MBOAT2: variants seen among roughly 807,000 people sequenced by gnomAD.
MBOAT2 encodes membrane-bound glycerophospholipid O-acyltransferase 2.
In MBOAT2, 28 loss-of-function variants were observed where a neutral mutation model predicts 63.4. The observed-to-expected ratio is 0.44, with a 90% CI of 0.33 to 0.61. The LOEUF (loss-of-function observed/expected upper bound fraction) is 0.61. Ranked by LOEUF, MBOAT2 falls within the 20% of genes least tolerant of loss-of-function variation. The pLI, the probability that MBOAT2 is intolerant of heterozygous loss-of-function variation, is 0.03. For synonymous variants in MBOAT2, 211 were observed against 215.6 expected (o/e 0.98, Z 0.19); for missense variants, 470 against 605.8 (o/e 0.78, Z 2.35).
chr2:8,997,130 C>T (rs1403777797), intron 1 of MBOAT2, among the ~76,000 whole-genome samples: 3 of 152,154 alleles, frequency 2.0e-5, no homozygotes, highest in Non-Finnish European at 4.4e-5. Context: ...TCACCCATAG[C>T]ACGCATAAAA....
At chr2:8,999,361 A>T (rs1672528510) in intron 1 of MBOAT2, among the ~76,000 whole-genome samples, 1 of 152,230 alleles carries the variant, frequency 6.6e-6, no homozygotes, top group East Asian at 1.9e-4. Context: ...TTAAAAAGGC[A>T]AGAAAGAGAT....
At chr2:8,868,878 C>A (rs560757582) in intron 8 of MBOAT2, among the ~76,000 whole-genome samples, 162 of 152,258 alleles carry the variant, frequency 1.1e-3, no homozygotes, top group Non-Finnish European at 2.0e-3. Context: ...GTACGCTCAA[C>A]CAGCTGCCAA....
At chr2:8,912,357 GAAAGAAAGAAAGAAAGAGAAAGAAAGAA>G (rs1276147139) in intron 3 of MBOAT2, among the ~76,000 whole-genome samples, 58 of 104,240 alleles carry the variant, frequency 5.6e-4, no homozygotes, top group South Asian at 1.6e-3. Flanking sequence ...GAAAGAGAAA[GAAAGAAAGAAAGAAAGAGAAAGAAAGAA>G]AGAAAGAAAG....
intron 3 of MBOAT2, among the ~76,000 whole-genome samples, chr2:8,942,730 A>C (rs1668142603): frequency 6.6e-6 from 1 of 152,142 alleles, no homozygotes; most frequent in Non-Finnish European, 1.5e-5. Context: ...TTGACACCTT[A>C]TTTCCTACCG....
intron 4 of MBOAT2, among the ~76,000 whole-genome samples, chr2:8,890,859 G>A (rs1303638563): frequency 6.6e-6 from 1 of 152,134 alleles, no homozygotes; most frequent in Non-Finnish European, 1.5e-5. Context: ...CTGAATCTAA[G>A]TGTCCAGTCA....
At chr2:8,893,083 AGGGGGAG>A (rs1483720443) in intron 4 of MBOAT2, among the ~76,000 whole-genome samples, 1 of 9,520 alleles carries the variant, frequency 1.1e-4, no homozygotes, top group Non-Finnish European at 2.1e-4. Flanking sequence ...GGGAGGAGGC[AGGGGGAG>A]GGGGTGGGGG....
intron 3 of MBOAT2, among the ~76,000 whole-genome samples, chr2:8,942,402 G>A (rs1406445479): frequency 6.6e-6 from 1 of 152,138 alleles, no homozygotes; most frequent in Non-Finnish European, 1.5e-5. Context: ...CTCTGCCCCT[G>A]GGTTTTCAAT....
At chr2:8,928,376 G>C (rs976940578) in intron 3 of MBOAT2, among the ~76,000 whole-genome samples, 17 of 152,142 alleles carry the variant, frequency 1.1e-4, no homozygotes, top group African/African-American at 4.1e-4. Flanking sequence ...GAGGGGCTAA[G>C]GTGACCCCTG....
chr2:8,882,364 G>T, intron 6 of MBOAT2, 147 bp downstream of exon 6: 1 of 755,296 alleles, frequency 1.3e-6, no homozygotes, highest in Non-Finnish European at 2.2e-6. Context: ...GCAGGCTTTG[G>T]CAGGAGGGAA....
chr2:9,000,861 TTTA>T (rs1254795715), intron 1 of MBOAT2, among the ~76,000 whole-genome samples: 8 of 152,338 alleles, frequency 5.3e-5, no homozygotes, highest in African/African-American at 1.7e-4. Context: ...ACTTTTTTAC[TTTA>T]TTAAGTTTTT....
At chr2:8,932,286 A>G (rs1667375776) in intron 3 of MBOAT2, among the ~76,000 whole-genome samples, 1 of 152,194 alleles carries the variant, frequency 6.6e-6, no homozygotes, top group Admixed American at 6.5e-5. Context: ...GCACTTACAG[A>G]AGGTTGAACA....
At chr2:8,963,514 G>GGC (rs1481282919) in intron 1 of MBOAT2, among the ~76,000 whole-genome samples, 8 of 152,068 alleles carry the variant, frequency 5.3e-5, no homozygotes, top group Non-Finnish European at 7.4e-5. Context: ...ATGTTGGTCA[G>GGC]GCGGTCTTGA....
In MBOAT2 at chr2:8,853,392, A is replaced by C. The variant is rs1660888376; in HGVS notation, c.*5287T>G. 1 of 152,200 alleles carries C rather than the reference A, an allele frequency of 6.6e-6. No homozygotes were observed. The highest frequency in any genetic ancestry group is 1.5e-5 in the Non-Finnish European group (1 of 68,022). 9.4% of individuals were successfully genotyped at this position (152,200 alleles called of 1,614,324 possible). A position where few individuals can be genotyped will look rare whatever the true frequency, so the allele number is the denominator to read the frequency against. On this transcript the variant is annotated 3_prime_UTR_variant, in exon 13 of 13. Coordinates refer to ENST00000305997, the MANE Select transcript of MBOAT2 (RefSeq NM_138799.4). ...ATACATAAAATTGGGAAAGAGGCATATTTAAAAAGTCTGTCAAACTCTCAA... is the reference window on the plus strand; with the variant it reads ...ATACATAAAATTGGGAAAGAGGCATCTTTAAAAAGTCTGTCAAACTCTCAA...
chr2:8,875,371 A>G (rs2148527860), intron 7 of MBOAT2, among the ~76,000 whole-genome samples: 1 of 152,378 alleles, frequency 6.6e-6, no homozygotes, highest in Admixed American at 6.5e-5. Context: ...AAAAGAGGAA[A>G]GTGATATTTT....
At chr2:8,873,674 T>A (rs1662508118) in intron 7 of MBOAT2, among the ~76,000 whole-genome samples, 1 of 152,218 alleles carries the variant, frequency 6.6e-6, no homozygotes, top group Admixed American at 6.5e-5. Flanking sequence ...ATATATATAT[T>A]TTTTCCATTG....
chr2:8,860,480 A>T, intron 12 of MBOAT2, 133 bp downstream of exon 12: 2 of 887,068 alleles, frequency 2.3e-6, no homozygotes, highest in Admixed American at 5.3e-5. Context: ...TCAGAATTAA[A>T]AAGTAACTGA....
At chr2:8,929,142 T>C (rs1558625461) in intron 3 of MBOAT2, among the ~76,000 whole-genome samples, 1 of 152,164 alleles carries the variant, frequency 6.6e-6, no homozygotes, top group Non-Finnish European at 1.5e-5. Context: ...CAGGTGGGGA[T>C]AAAAGAGTAT....
In MBOAT2 at chr2:8,853,494, T is replaced by C. The variant is rs550499486; in HGVS notation, c.*5185A>G. The C allele has an allele frequency of 1.3e-5, 2 of 152,294 alleles. No individual in the cohort carries two copies. Among genetic ancestry groups the C allele is most frequent in the African/African-American group, 4.8e-5 (2 of 41,552 alleles). The allele number at this position is 152,294 out of a possible 1,614,324, so 9.4% of individuals were successfully genotyped here. A position where few individuals can be genotyped will look rare whatever the true frequency, so the allele number is the denominator to read the frequency against. ...ATTTCCCAAGAAAATTAACCTAAAATAGTGAACGTGAAACAGCTAAGACTC... is the reference window on the plus strand; with the variant it reads ...ATTTCCCAAGAAAATTAACCTAAAACAGTGAACGTGAAACAGCTAAGACTC... On this transcript the variant is annotated 3_prime_UTR_variant, in exon 13 of 13. Transcript: ENST00000305997.
chr2:8,867,504 C>G (rs552422401), intron 9 of MBOAT2, among the ~76,000 whole-genome samples: 1 of 152,174 alleles, frequency 6.6e-6, no homozygotes, highest in Non-Finnish European at 1.5e-5. Context: ...CCATGATCTG[C>G]CTCGTGGACA....
Sources: allele counts gnomAD v4.1 joint callset (sites outside exome capture counted in the v4.1 genomes callset), GRCh38; gene constraint gnomAD v4.1.1; transcripts MANE v1.5; gene names NCBI Gene and HGNC (gene_info 2026-07-23, HGNC 2026-07-21).